Variants in TDRD5 observed in about 807,000 individuals in gnomAD.
The protein encoded by TDRD5 is tudor domain-containing protein 5.
TDRD5 carries 41 observed loss-of-function variants against 120.6 expected under a neutral mutation model. That is an observed-to-expected ratio of 0.34 (90% CI 0.26 to 0.44). The LOEUF (loss-of-function observed/expected upper bound fraction) is 0.44, where lower values mean the gene tolerates loss of function less well. TDRD5 is among the 20% of genes least tolerant of loss of function. The pLI is 1.00. For missense variants in TDRD5, 1,006 were observed against 1,221.2 expected (o/e 0.82, Z 2.63); for synonymous variants, 430 against 433.7 (o/e 0.99, Z 0.11).
At position 179,652,173 on chromosome 1, in the gene TDRD5, A is replaced by C. The variant is rs1443398952; in HGVS notation, c.2136A>C (p.Ser712=). 6.2e-7 allele frequency: 1 copy of C among 1,611,470 alleles called. No individual in the cohort carries two copies. The highest frequency in any genetic ancestry group is 8.5e-7 in the Non-Finnish European group (1 of 1,179,380). ...FNEDRKISPQ[S]KESELRILQD... is the part of the protein sequence containing the mutation. ...AAGACCGAAAGATAAGTCCACAGTCAAAAGAGAGTGAGTTACGTATCTTGG... is the reference window on the plus strand; with the variant it reads ...AAGACCGAAAGATAAGTCCACAGTCCAAAGAGAGTGAGTTACGTATCTTGG... Residue 712 remains serine (S), a synonymous_variant, in exon 13 of 18, where the codon TCA becomes TCC. Transcript: ENST00000444136.
chr1:179,634,186 A>T (rs12410052), intron 7 of TDRD5, among the ~76,000 whole-genome samples: 5 of 148,680 alleles, frequency 3.4e-5, no homozygotes, highest in Non-Finnish European at 7.5e-5. Context: ...ACAAAAAAAC[A>T]AAAAAAAGAA....
chr1:179,648,782 A>G (rs1191432376), intron 11 of TDRD5, among the ~76,000 whole-genome samples: 1 of 110,228 alleles, frequency 9.1e-6, no homozygotes, highest in African/African-American at 2.5e-5. Context: ...AAATACTAAA[A>G]AACAATAAAA....
chr1:179,617,624 C>CTT (rs760323972), intron 4 of TDRD5, among the ~76,000 whole-genome samples: 232 of 146,968 alleles, frequency 1.6e-3, no homozygotes, highest in Admixed American at 3.5e-3. Context: ...TGTGACTTAA[C>CTT]TTTTTTTTTT....
In TDRD5 at chr1:179,630,736, G is replaced by C. The variant is rs770676142; in HGVS notation, c.973-31G>C. On this transcript the variant is annotated intron_variant, in intron 6 of 17. Coordinates refer to ENST00000444136, the MANE Select transcript of TDRD5 (RefSeq NM_001199085.3). Reference sequence around the variant, plus strand: ...TGTTATATATCTGTTATCTAATGCTGTTTCATGTAATTTCTATTTTCTTGT... The same window carrying C: ...TGTTATATATCTGTTATCTAATGCTCTTTCATGTAATTTCTATTTTCTTGT... 13 of 1,606,534 alleles carry C rather than the reference G, an allele frequency of 8.1e-6. No homozygotes were observed. The East Asian group carries it at 1.6e-4, about 19-fold the overall frequency.
intron 6 of TDRD5, among the ~76,000 whole-genome samples, chr1:179,622,367 A>G (rs1676886453): frequency 6.6e-6 from 1 of 152,232 alleles, no homozygotes; most frequent in Non-Finnish European, 1.5e-5. Context: ...TACATCTATC[A>G]TGATGCCTGG....
At chr1:179,671,593 A>T (rs1363799494) in intron 17 of TDRD5, among the ~76,000 whole-genome samples, 2 of 131,224 alleles carry the variant, frequency 1.5e-5, no homozygotes, top group East Asian at 4.5e-4. Context: ...TTTAAAATTT[A>T]AAAAATTTAC....
Position 179,654,571 on chromosome 1 carries a change from C to T in TDRD5, c.2322+209C>T, listed in dbSNP as rs144037561. On this transcript the variant is annotated intron_variant, in intron 14 of 17. Coordinates refer to ENST00000444136, the MANE Select transcript of TDRD5 (RefSeq NM_001199085.3). Reference sequence around the variant, plus strand: ...CTTGAGGTCAGGAGTTCAAGACCAGCGTGGTCAACATGATGATACCTTGTC... The same window carrying T: ...CTTGAGGTCAGGAGTTCAAGACCAGTGTGGTCAACATGATGATACCTTGTC... 2.2e-3 allele frequency among the ~76,000 whole-genome samples: 341 copies of T among 152,126 alleles called. 6 individuals are homozygous for T. Among genetic ancestry groups the T allele is most frequent in the African/African-American group, 7.7e-3 (319 of 41,504 alleles).
Position 179,593,845 on chromosome 1 carries a change from A to G in TDRD5, c.618A>G (p.Glu206=). 4 of 1,613,484 alleles carry G rather than the reference A, an allele frequency of 2.5e-6. No individual in the cohort carries two copies. The highest frequency in any genetic ancestry group is 3.4e-6 in the Non-Finnish European group (4 of 1,179,542). The part of the protein sequence containing the change: ...LLMLKKSVTE[E]KPRGCPAGKI... ...TGCTAAAGAAGAGTGTAACAGAGGAAAAGCCGAGAGGATGTCCAGCAGGTA... is the reference window on the plus strand; with the variant it reads ...TGCTAAAGAAGAGTGTAACAGAGGAGAAGCCGAGAGGATGTCCAGCAGGTA... Residue 206 remains glutamate (E), a synonymous_variant, in exon 3 of 18, where the codon GAA becomes GAG. Transcript: ENST00000444136.
intron 14 of TDRD5, among the ~76,000 whole-genome samples, chr1:179,654,611 C>CA (rs35381266): frequency 4.0e-4 from 61 of 151,344 alleles, no homozygotes; most frequent in African/African-American, 1.4e-3. Flanking sequence ...CAAAATGTAC[C>CA]AAAAAAAATT....
intron 4 of TDRD5, among the ~76,000 whole-genome samples, chr1:179,608,862 C>A (rs1676132147): frequency 6.6e-6 from 1 of 151,902 alleles, no homozygotes. Flanking sequence ...ATATAAATTA[C>A]TTTGACTCAA....
Position 179,669,277 on chromosome 1 carries a change from G to A in TDRD5, c.2733G>A (p.Gln911=), listed in dbSNP as rs745339349. Residue 911 remains glutamine, a synonymous_variant, in exon 17 of 18, where the codon CAG becomes CAA. Coordinates refer to ENST00000444136, the MANE Select transcript of TDRD5 (RefSeq NM_001199085.3). Reference sequence around the variant, plus strand: ...GTACCTCTCTTACCCAGTCAGAGCAGTCAGCAGACGGGAGCCAGTCTGAAC... The same window carrying A: ...GTACCTCTCTTACCCAGTCAGAGCAATCAGCAGACGGGAGCCAGTCTGAAC... ...EFCTSLTQSE[Q]SADGSQSEPN... 5.0e-6 allele frequency: 8 copies of A among 1,614,150 alleles called. No individual in the cohort carries two copies. The highest frequency in any genetic ancestry group is 6.8e-6 in the Non-Finnish European group (8 of 1,180,038).
chr1:179,607,084 C>G (rs1194819940), intron 4 of TDRD5, among the ~76,000 whole-genome samples: 1 of 151,996 alleles, frequency 6.6e-6, no homozygotes, highest in Non-Finnish European at 1.5e-5. Context: ...GAATAATTAT[C>G]CGTTTATTTC....
chr1:179,648,861 C>G (rs1031877201), intron 11 of TDRD5, among the ~76,000 whole-genome samples: 1 of 152,082 alleles, frequency 6.6e-6, no homozygotes, highest in Non-Finnish European at 1.5e-5. Context: ...TCGTCAGGAC[C>G]CATTTTCCTT....
intron 11 of TDRD5, among the ~76,000 whole-genome samples, chr1:179,650,296 G>C (rs562663261): frequency 8.6e-5 from 13 of 151,644 alleles, no homozygotes; most frequent in African/African-American, 3.1e-4. Flanking sequence ...AGCTACTCAG[G>C]AGGCTGAGGC....
At chr1:179,632,153 G>A (rs984556632) in intron 7 of TDRD5, among the ~76,000 whole-genome samples, 4 of 151,940 alleles carry the variant, frequency 2.6e-5, no homozygotes, top group Middle Eastern at 3.4e-3. Flanking sequence ...TGATCCACCC[G>A]CCTCAGCCTC....
intron 7 of TDRD5, among the ~76,000 whole-genome samples, chr1:179,633,686 T>G (rs1021685138): frequency 1.3e-5 from 2 of 152,064 alleles, no homozygotes; most frequent in African/African-American, 4.8e-5. Context: ...CTTGTAGTTA[T>G]CATACACATG....
chr1:179,667,232 T>A (rs1037947736), intron 16 of TDRD5, among the ~76,000 whole-genome samples: 2 of 152,254 alleles, frequency 1.3e-5, no homozygotes, highest in African/African-American at 2.4e-5. Context: ...TTACTACACA[T>A]ACTTGCTTTC....
At chr1:179,606,854 A>G (rs4652427) in intron 4 of TDRD5, among the ~76,000 whole-genome samples, 100,271 of 151,990 alleles carry the variant, frequency 0.66, 33,817 homozygotes, top group East Asian at 0.82. Context: ...AGCTTTTTCA[A>G]TAAGTCTTGA....
At chr1:179,688,651 G>C (rs1043448564) in intron 17 of TDRD5, among the ~76,000 whole-genome samples, 17 of 152,152 alleles carry the variant, frequency 1.1e-4, no homozygotes, top group African/African-American at 4.1e-4. Flanking sequence ...TTCCAACTTG[G>C]TTCCATTCTC....
Sources: allele counts gnomAD v4.1 joint callset (sites outside exome capture counted in the v4.1 genomes callset), GRCh38; gene constraint gnomAD v4.1.1; transcripts MANE v1.5; gene names NCBI Gene and HGNC (gene_info 2026-07-23, HGNC 2026-07-21).